The following CDR2L variants were observed in gnomAD, a reference collection of about 807,000 sequenced individuals.
CDR2L encodes cerebellar degeneration related protein 2 like, also known as cerebellar degeneration-related protein 2-like.
CDR2L carries 19 observed loss-of-function variants against 36.1 expected under a neutral mutation model. That is an observed-to-expected ratio of 0.53 (90% CI 0.37 to 0.77). The LOEUF (loss-of-function observed/expected upper bound fraction) is 0.77, where lower values mean the gene tolerates loss of function less well. CDR2L is among the 30% of genes least tolerant of loss of function. CDR2L has a pLI of 0.00. For missense variants in CDR2L, 575 were observed against 627.2 expected, an observed-to-expected ratio of 0.92 and a Z score of 0.89; for synonymous variants, 285 against 280.4, an observed-to-expected ratio of 1.02 and a Z score of -0.16.
At chr17:74,990,575 C>T (rs2039790506) in intron 1 of CDR2L, among the ~76,000 whole-genome samples, 2 of 152,184 alleles carry the variant, frequency 1.3e-5, no homozygotes, top group Non-Finnish European at 2.9e-5. Flanking sequence ...ATGCCAAGGC[C>T]CTTTTGAGCT....
At chr17:74,997,269 G>C (rs116039345) in intron 1 of CDR2L, among the ~76,000 whole-genome samples, 2,447 of 152,086 alleles carry the variant, frequency 0.016, 63 homozygotes, top group African/African-American at 0.057. Flanking sequence ...AGTGGAGATA[G>C]GATTTCACCA....
intron 1 of CDR2L, among the ~76,000 whole-genome samples, chr17:74,998,517 TAAAAG>T (rs2039844712): frequency 6.7e-6 from 1 of 149,364 alleles, no homozygotes; most frequent in African/African-American, 2.5e-5. Flanking sequence ...TCCCATCCCT[TAAAAG>T]AAAAAAAAAA....
chr17:74,997,919 T>TAAAA (rs35218405), intron 1 of CDR2L, among the ~76,000 whole-genome samples: 13 of 125,974 alleles, frequency 1.0e-4, no homozygotes, highest in African/African-American at 2.4e-4. Flanking sequence ...TTTTAGAAGT[T>TAAAA]AAAAAAAAAA....
chr17:75,001,790 T>C (rs538383121), intron 3 of CDR2L, among the ~76,000 whole-genome samples: 1 of 152,244 alleles, frequency 6.6e-6, no homozygotes, highest in Non-Finnish European at 1.5e-5. Context: ...TGTAAATATT[T>C]TATGGCAGTG....
intron 1 of CDR2L, among the ~76,000 whole-genome samples, chr17:74,990,520 A>C (rs1356986708): frequency 6.6e-6 from 1 of 152,236 alleles, no homozygotes; most frequent in Non-Finnish European, 1.5e-5. Flanking sequence ...GGGGTTCTGC[A>C]GCTGTAGGCC....
At chr17:74,992,650 C>T (rs1034667237) in intron 1 of CDR2L, among the ~76,000 whole-genome samples, 2 of 152,174 alleles carry the variant, frequency 1.3e-5, no homozygotes, top group Non-Finnish European at 2.9e-5. Context: ...CAGCTTTGAC[C>T]AGCTTAGCTT....
rs754235026 is a variant in CDR2L, at chr17:75,001,389, G to A, written c.241G>A (p.Ala81Thr). 6.8e-6 allele frequency: 11 copies of A among 1,611,706 alleles called. No individual in the cohort carries two copies. The highest frequency in any genetic ancestry group is 2.2e-5 in the East Asian group (1 of 44,830). The change falls in exon 3 of 5, where the codon GCC (alanine) becomes ACC (threonine). Residue 81 changes from alanine (A) to threonine (T), a missense_variant. By Grantham distance (58) the Ala-to-Thr change is moderately conservative (BLOSUM62 0). Transcript: ENST00000337231. ...DTLRHVNEQH[A>T]KVYEQLDLTA... The stretch of plus-strand genomic sequence containing the variant: ...GCTGCGGCACGTGAACGAGCAGCAC[G>A]CCAAAGTCTATGAGCAGCTGGACCT...
At position 75,003,270 on chromosome 17, in the gene CDR2L, G is replaced by C. The variant is rs774669519; in HGVS notation, c.594G>C (p.Leu198=). 1 of 1,557,916 alleles carries C rather than the reference G, an allele frequency of 6.4e-7. No homozygotes were observed. The highest frequency in any genetic ancestry group is 8.7e-7 in the Non-Finnish European group (1 of 1,151,838). Residue 198 remains leucine, a synonymous_variant, in exon 5 of 5, where the codon CTG becomes CTC. Coordinates refer to ENST00000337231, the MANE Select transcript of CDR2L (RefSeq NM_014603.3). The stretch of plus-strand genomic sequence containing the variant: ...AGGAGAACGAGCGGCTGCAGACCCT[G>C]GTGGGGGCGCTGCGCTCCCAGGTGA... ...LEQENERLQT[L]VGALRSQVSQ... is the part of the protein sequence containing the mutation.
chr17:75,003,695 T>G lies in CDR2L; in HGVS notation c.1019T>G (p.Leu340Arg). Residue 340 changes from leucine (L) to arginine (R), a missense_variant, in exon 5 of 5, where the codon CTG (leucine) becomes CGG (arginine). Coordinates refer to ENST00000337231, the MANE Select transcript of CDR2L (RefSeq NM_014603.3). ...PASRHAGNLTLHANSVRKRGM... is the reference protein window; with the variant it reads ...PASRHAGNLTRHANSVRKRGM... Reference sequence around the variant, plus strand: ...AGCCGGCACGCGGGCAACCTCACACTGCACGCCAACAGCGTGCGCAAGCGG... The same window carrying G: ...AGCCGGCACGCGGGCAACCTCACACGGCACGCCAACAGCGTGCGCAAGCGG... 4 of 1,464,316 alleles carry G rather than the reference T, an allele frequency of 2.7e-6. No homozygotes were observed. Among genetic ancestry groups the G allele is most frequent in the Non-Finnish European group, 3.6e-6 (4 of 1,107,088 alleles). 90.7% of individuals were successfully genotyped at this position (1,464,316 alleles called of 1,614,324 possible). A position where few individuals can be genotyped will look rare whatever the true frequency, so the allele number is the denominator to read the frequency against.
rs2039875967 is a variant in CDR2L at position 75,002,986 on chromosome 17, T to A, written c.507-197T>A. The stretch of plus-strand genomic sequence containing the variant: ...GCAACCTGACAGAGGCGGTCCGTAG[T>A]GGTCAGCCTCCGGGGGCAGAGAGCA... On this transcript the variant is annotated intron_variant, in intron 4 of 4. Coordinates refer to ENST00000337231, the MANE Select transcript of CDR2L (RefSeq NM_014603.3). The surrounding 1 kb of genome is among the most constrained non-coding windows in gnomAD (Gnocchi z 4.1). Among the ~76,000 whole-genome samples, 1 of 152,100 alleles carries A rather than the reference T, an allele frequency of 6.6e-6. No homozygotes were observed. Among genetic ancestry groups the A allele is most frequent in the African/African-American group, 2.4e-5 (1 of 41,428 alleles).
In CDR2L at chr17:74,999,325, C is replaced by CACACAA. The variant is rs368672422; in HGVS notation, c.80-178_80-177insCACAAA. On this transcript the variant is annotated intron_variant, in intron 1 of 4. Transcript: ENST00000337231. ...ACACACACACACACACAGACACACA[C>CACACAA]AAAAAGAACATTCCAGGCAGAAATA... Among the ~76,000 whole-genome samples the CACACAA allele has an allele frequency of 8.1e-3, 1,225 of 151,038 alleles. 10 individuals carry two copies. The highest frequency in any genetic ancestry group is 0.026 in the Admixed American group (397 of 15,120).
In CDR2L at chr17:74,987,980, C is replaced by A; in HGVS notation, c.-64C>A. On this transcript the variant is annotated 5_prime_UTR_variant, in exon 1 of 5. Coordinates refer to ENST00000337231, the MANE Select transcript of CDR2L (RefSeq NM_014603.3). ...GCCCGGCCCGCCTCAGCCGCATTGT[C>A]CCGGGCCGCGCGCACCGGCCCTGAG... The A allele has an allele frequency of 2.9e-6, 3 of 1,032,958 alleles. No homozygotes were observed. Among genetic ancestry groups the A allele is most frequent in the Non-Finnish European group, 3.9e-6 (3 of 770,282 alleles). 64.0% of individuals were successfully genotyped at this position (1,032,958 alleles called of 1,614,324 possible). A position where few individuals can be genotyped will look rare whatever the true frequency, so the allele number is the denominator to read the frequency against.
At position 75,003,873 on chromosome 17, in the gene CDR2L, G is replaced by A; in HGVS notation, c.1197G>A (p.Arg399=). 6.3e-7 allele frequency: 1 copy of A among 1,599,478 alleles called. No individual in the cohort carries two copies. Among genetic ancestry groups the A allele is most frequent in the Non-Finnish European group, 8.5e-7 (1 of 1,173,604 alleles). The change falls in exon 5 of 5, where the codon AGG becomes AGA. Residue 399 remains arginine (R), a synonymous_variant. Transcript: ENST00000337231. ...SRPISRDSSW[R]DLRGGEEGQG... ...CCATCTCCCGGGACAGCTCGTGGAG[G>A]GACCTGCGCGGGGGTGAGGAGGGCC...
rs776279725 is a variant in CDR2L at position 75,001,500 on chromosome 17, G to A, written c.341+11G>A. 3.0e-5 allele frequency: 46 copies of A among 1,532,988 alleles called. No individual in the cohort carries two copies. Among genetic ancestry groups the A allele is most frequent in the Non-Finnish European group, 3.9e-5 (44 of 1,142,004 alleles). The allele number at this position is 1,532,988 out of a possible 1,614,324, so 95.0% of individuals were successfully genotyped here. A position where few individuals can be genotyped will look rare whatever the true frequency, so the allele number is the denominator to read the frequency against. ...GCAGAAGATCCATGGGTGAGGGCCC[G>A]GCTGAGGGCTGGGGGGCGGGCGAGG... is the stretch of plus-strand genomic sequence containing the variant. On this transcript the variant is annotated intron_variant, in intron 3 of 4. Coordinates refer to ENST00000337231, the MANE Select transcript of CDR2L (RefSeq NM_014603.3).
At chr17:74,999,678 T>A in intron 2 of CDR2L, 62 bp downstream of exon 2, 1 of 991,224 alleles carries the variant, frequency 1.0e-6, no homozygotes, top group East Asian at 2.6e-5. Flanking sequence ...TGTGTGCCTT[T>A]ATGCAACTTA....
At chr17:74,995,857 G>T (rs1462039681) in intron 1 of CDR2L, among the ~76,000 whole-genome samples, 1 of 152,114 alleles carries the variant, frequency 6.6e-6, no homozygotes, top group African/African-American at 2.4e-5. Flanking sequence ...CACCAATCAT[G>T]CCTTATGAAA....
Position 75,002,326 on chromosome 17 carries a change from A to G in CDR2L, c.506+98A>G, listed in dbSNP as rs1197186110. ...GTGCAGTTGGTGCATCATCCAGGCC[A>G]TCAGAGAGACTGGTCCTGTTGCTAA... On this transcript the variant is annotated intron_variant, in intron 4 of 4. Coordinates refer to ENST00000337231, the MANE Select transcript of CDR2L (RefSeq NM_014603.3). The surrounding 1 kb of genome is among the most constrained non-coding windows in gnomAD (Gnocchi z 4.1). 1.6e-5 allele frequency: 17 copies of G among 1,094,166 alleles called. No individual in the cohort carries two copies. Among genetic ancestry groups the G allele is most frequent in the Non-Finnish European group, 2.0e-5 (15 of 760,540 alleles). 67.8% of individuals were successfully genotyped at this position (1,094,166 alleles called of 1,614,324 possible). A position where few individuals can be genotyped will look rare whatever the true frequency, so the allele number is the denominator to read the frequency against.
At chr17:74,997,878 G>C (rs1450731991) in intron 1 of CDR2L, among the ~76,000 whole-genome samples, 1 of 149,476 alleles carries the variant, frequency 6.7e-6, no homozygotes, top group Non-Finnish European at 1.5e-5. Flanking sequence ...GGGCGTGGTA[G>C]TGGGTGCCTG....
At chr17:74,995,606 G>A (rs2039820294) in intron 1 of CDR2L, among the ~76,000 whole-genome samples, 1 of 152,124 alleles carries the variant, frequency 6.6e-6, no homozygotes, top group Non-Finnish European at 1.5e-5. Context: ...CCAGGTTCAA[G>A]TGATCCTCCT....
Sources: gnomAD v4.1 joint callset for allele counts (sites outside exome capture counted in the v4.1 genomes callset) on GRCh38, gnomAD v4.1.1 for gene constraint, Gnocchi (gnomAD v3.1) non-coding constraint, MANE v1.5 for transcripts, NCBI Gene and HGNC (gene_info 2026-07-23, HGNC 2026-07-21) for gene names.